ENGASE: variants seen among roughly 807,000 people sequenced by gnomAD.
The protein encoded by ENGASE is endo-beta-N-acetylglucosaminidase, also known as cytosolic endo-beta-N-acetylglucosaminidase.
A neutral mutation model predicts 78.5 loss-of-function variants in ENGASE; 69 were observed. The ratio of observed to expected loss-of-function variants is 0.88; its 90% CI spans 0.72 to 1.07. The LOEUF (loss-of-function observed/expected upper bound fraction) is 1.07. Among genes scored for constraint, ENGASE ranks in the 50% least tolerant of loss-of-function variants. ENGASE has a pLI of 0.00. For missense variants in ENGASE, 943 were observed against 988.4 expected (o/e 0.95, Z 0.62); for synonymous variants, 408 against 408.9 (o/e 1.00, Z 0.03).
rs903861578 is a variant in ENGASE, at chr17:79,083,580, G to A, written c.1241G>A (p.Cys414Tyr). ...CTGGGCATGGGTGCACGGAGGGTCTGCTATGGCCAGGTGGGTGGGTGTCTT... is the reference window on the plus strand; with the variant it reads ...CTGGGCATGGGTGCACGGAGGGTCTACTATGGCCAGGTGGGTGGGTGTCTT... ...FCLGMGARRV[C>Y]YGQEEAVGPW... The change falls in exon 9 of 14, where the codon TGC becomes TAC. Residue 414 changes from cysteine (C) to tyrosine (Y), a missense_variant. Coordinates refer to ENST00000579016, the MANE Select transcript of ENGASE (RefSeq NM_001042573.3). The surrounding 1 kb of genome is among the most constrained non-coding windows in gnomAD (Gnocchi z 4.9). 4 of 1,613,710 alleles carry A rather than the reference G, an allele frequency of 2.5e-6. No individual in the cohort carries two copies. The African/African-American group carries it at 5.3e-5, about 22-fold the overall frequency.
At position 79,083,465 on chromosome 17, in the gene ENGASE, C is replaced by T; in HGVS notation, c.1143-17C>T. 6.2e-7 allele frequency: 1 copy of T among 1,601,720 alleles called. No homozygotes were observed. On this transcript the variant is annotated splice_polypyrimidine_tract_variant and intron_variant, in intron 8 of 13. Transcript: ENST00000579016. This position sits in a 1 kb window ranked among gnomAD's most constrained non-coding sequence, Gnocchi z 4.9. Reference sequence around the variant, plus strand: ...CCCTTCCTCCGGACCGAGCTGTTGCCCCCATGTCTCTGGCAGGTTCTGGGG... The same window carrying T: ...CCCTTCCTCCGGACCGAGCTGTTGCTCCCATGTCTCTGGCAGGTTCTGGGG...
At chr17:79,078,313 C>G (rs555275339) in intron 3 of ENGASE, among the ~76,000 whole-genome samples, 4 of 152,140 alleles carry the variant, frequency 2.6e-5, no homozygotes, top group Admixed American at 6.5e-5. Flanking sequence ...GCACTCCAGC[C>G]TGGGCAACAG....
intron 3 of ENGASE, 54 bp downstream of exon 3, chr17:79,077,918 T>TGGG: frequency 1.4e-6 from 1 of 700,252 alleles, no homozygotes; most frequent in Non-Finnish European, 2.2e-6. Flanking sequence ...TTTGCTGGGG[T>TGGG]GGGGGCTGGA....
rs1372642111 is a variant in ENGASE at position 79,081,111 on chromosome 17, C to T, written c.872+38C>T. Reference sequence around the variant, plus strand: ...ACAGGTGCTGTGAGGGGGCAGGTGCCGTGGTGGGGGCGGGTACTGTGAGGG... The same window carrying T: ...ACAGGTGCTGTGAGGGGGCAGGTGCTGTGGTGGGGGCGGGTACTGTGAGGG... On this transcript the variant is annotated intron_variant, in intron 6 of 13. Transcript: ENST00000579016. 4.4e-5 allele frequency: 12 copies of T among 274,112 alleles called. 1 individual carries two copies. Among genetic ancestry groups the T allele is most frequent in the Middle Eastern group, 1.3e-3 (1 of 794 alleles). The allele number at this position is 274,112 out of a possible 1,614,324, so 17.0% of individuals were successfully genotyped here.
At chr17:79,085,496 C>T (rs781338070) in intron 12 of ENGASE, 124 bp from the exon 13 acceptor site, 101 of 1,419,266 alleles carry the variant, frequency 7.1e-5, no homozygotes, top group Middle Eastern at 4.3e-4. Context: ...GCCCTGCTGT[C>T]GGCCTGGGGT....
intron 5 of ENGASE, among the ~76,000 whole-genome samples, chr17:79,080,598 G>A (rs144126523): frequency 3.3e-5 from 5 of 152,194 alleles, no homozygotes; most frequent in African/African-American, 7.2e-5. Context: ...CACGTTTCCC[G>A]CCCCTGCCTG....
Position 79,082,546 on chromosome 17 carries a change from G to A in ENGASE, c.1039-474G>A, listed in dbSNP as rs568492241. On this transcript the variant is annotated intron_variant, in intron 7 of 13. Coordinates refer to ENST00000579016, the MANE Select transcript of ENGASE (RefSeq NM_001042573.3). ...GTCACACCAGCACAGAGGAAGGAGC[G>A]GGGCCAGGCCGGTGCCCCTGGCGTG... 206 of 1,218,774 alleles carry A rather than the reference G, an allele frequency of 1.7e-4. No homozygotes were observed. In the African/African-American group the frequency reaches 2.8e-3, roughly 17 times the overall value. 75.5% of individuals were successfully genotyped at this position (1,218,774 alleles called of 1,614,324 possible).
rs752040667 is a variant in ENGASE at position 79,085,702 on chromosome 17, G to T, written c.1783G>T (p.Glu595Ter). ...FSRPPGSREE[E>*]SFTCRLGEIQ... The stretch of plus-strand genomic sequence containing the variant: ...ACGGCCGCCGGGTAGTCGGGAGGAG[G>T]AGAGCTTCACCTGTCGGCTTGGAGA... Residue 595 changes from glutamate to a stop codon, truncating the protein, a stop_gained, in exon 13 of 14, where the codon GAG (glutamate) becomes TAG (stop). Coordinates refer to ENST00000579016, the MANE Select transcript of ENGASE (RefSeq NM_001042573.3). LOFTEE classifies it low-confidence loss of function (END_TRUNC). The T allele has an allele frequency of 5.0e-6, 8 of 1,613,844 alleles. No individual in the cohort carries two copies. The Admixed American group carries it at 8.3e-5, about 17-fold the overall frequency.
At chr17:79,085,780 G>C in intron 13 of ENGASE, 46 bp downstream of exon 13, 1 of 1,606,130 alleles carries the variant, frequency 6.2e-7, no homozygotes, top group Non-Finnish European at 8.5e-7. Context: ...TGTTTGTCCA[G>C]CTGGAGTGGG....
At chr17:79,082,324 C>G (rs3744188) in intron 7 of ENGASE, 74,407 of 1,356,398 alleles carry the variant, frequency 0.055, 2,168 homozygotes, top group Middle Eastern at 0.066. Flanking sequence ...GCGTCGTTCC[C>G]CCGCTGTCCG....
At chr17:79,079,964 T>C (rs1460997373) in intron 4 of ENGASE, among the ~76,000 whole-genome samples, 1 of 152,386 alleles carries the variant, frequency 6.6e-6, no homozygotes, top group East Asian at 1.9e-4. Context: ...GGTTTGCCGA[T>C]TCCTGGGTCA....
In ENGASE at chr17:79,077,445, A is replaced by AG; in HGVS notation, c.163dup (p.Glu55GlyfsTer19). ...CTTTGCTTAGCATCAAAGATGAAGA[A>AG]GAAGAGACAGTCTTTCGAGAGGTGG... On this transcript the variant is annotated frameshift_variant, in exon 2 of 14. Coordinates refer to ENST00000579016, the MANE Select transcript of ENGASE (RefSeq NM_001042573.3). LOFTEE classifies it high-confidence loss of function. 6.3e-7 allele frequency: 1 copy of AG among 1,589,198 alleles called. No individual in the cohort carries two copies. The highest frequency in any genetic ancestry group is 2.2e-5 in the East Asian group (1 of 44,780).
intron 1 of ENGASE, 81 bp from the exon 2 acceptor site, chr17:79,077,349 A>G: frequency 8.2e-7 from 1 of 1,221,948 alleles, no homozygotes; most frequent in Admixed American, 2.4e-5. Context: ...CTGTGTTTAG[A>G]TGAAACTGGT....
intron 7 of ENGASE, 183 bp from the exon 8 acceptor site, chr17:79,082,837 G>C: frequency 6.5e-7 from 1 of 1,535,264 alleles, no homozygotes; most frequent in East Asian, 2.5e-5. Flanking sequence ...CTCTTCTGGC[G>C]GGCTTGTGGA....
chr17:79,083,225 TGGG>T lies in ENGASE; in HGVS notation c.1142+107_1142+109del. The T allele has an allele frequency of 1.1e-6, 1 of 919,244 alleles. No homozygotes were observed. Among genetic ancestry groups the T allele is most frequent in the Non-Finnish European group, 1.7e-6 (1 of 594,880 alleles). 56.9% of individuals were successfully genotyped at this position (919,244 alleles called of 1,614,324 possible). ...TTGTGCTCTTTAGTGACCCTTCCTA[TGGG>T]GGGGTGGTTAAGGGAGGATGACAGG... On this transcript the variant is annotated intron_variant, in intron 8 of 13. Coordinates refer to ENST00000579016, the MANE Select transcript of ENGASE (RefSeq NM_001042573.3). The surrounding 1 kb of genome is among the most constrained non-coding windows in gnomAD (Gnocchi z 4.9).
At chr17:79,075,891 G>C in intron 1 of ENGASE, 1 of 985,400 alleles carries the variant, frequency 1.0e-6, no homozygotes, top group Non-Finnish European at 1.2e-6. Context: ...AGGTGACAAA[G>C]GTGACCTGGT....
chr17:79,080,080 G>GGATT (rs1380209125), intron 4 of ENGASE, 127 bp from the exon 5 acceptor site: 1 of 953,786 alleles, frequency 1.0e-6, no homozygotes, highest in African/African-American at 1.7e-5. Flanking sequence ...GGATATATGG[G>GGATT]GATTTGAATG....
At position 79,086,333 on chromosome 17, in the gene ENGASE, A is replaced by C. The variant is rs916106924; in HGVS notation, c.2216A>C (p.Tyr739Ser). Residue 739 changes from tyrosine (Y) to serine (S), a missense_variant, in exon 14 of 14, where the codon TAT (tyrosine) becomes TCT (serine). By Grantham distance (144) the Tyr-to-Ser change is moderately radical. Transcript: ENST00000579016. The part of the protein sequence containing the change: ...QAEWGRAVLL[Y>S]SAPA ...GAGTGGGGCAGGGCAGTTCTGCTTT[A>C]TTCAGCCCCTGCATGAGCGGATGCT... is the stretch of plus-strand genomic sequence containing the variant. The C allele has an allele frequency of 1.2e-5, 20 of 1,612,558 alleles. No individual in the cohort carries two copies. Among genetic ancestry groups the C allele is most frequent in the Non-Finnish European group, 1.6e-5 (19 of 1,179,582 alleles).
At position 79,082,047 on chromosome 17, in the gene ENGASE, G is replaced by A. The variant is rs369431239; in HGVS notation, c.1022G>A (p.Arg341Gln). 2.0e-5 allele frequency: 33 copies of A among 1,614,114 alleles called. No homozygotes were observed. Among genetic ancestry groups the A allele is most frequent in the East Asian group, 1.8e-4 (8 of 44,896 alleles). ...GCTCGAGGGAACGTGGTCGGAGGCC[G>A]ATTCGACACAGACAAGGTGGGTGGT... ...VFARGNVVGG[R>Q]FDTDKSLELI... The change falls in exon 7 of 14, where the codon CGA becomes CAA. Residue 341 changes from arginine (R) to glutamine (Q), a missense_variant. Transcript: ENST00000579016.
Sources: allele counts gnomAD v4.1 joint callset (sites outside exome capture counted in the v4.1 genomes callset), GRCh38; gene constraint gnomAD v4.1.1; non-coding constraint Gnocchi (gnomAD v3.1); transcripts MANE v1.5; gene names NCBI Gene and HGNC (gene_info 2026-07-23, HGNC 2026-07-21).